Variants in ABCB1 observed in about 807,000 individuals in gnomAD.
ABCB1 encodes the protein ATP binding cassette subfamily B member 1.
A neutral mutation model predicts 142.0 loss-of-function variants in ABCB1; 69 were observed. The ratio of observed to expected loss-of-function variants is 0.49; its 90% CI spans 0.40 to 0.59. The LOEUF (loss-of-function observed/expected upper bound fraction) is 0.59. Among genes scored for constraint, ABCB1 ranks in the 20% least tolerant of loss-of-function variants. The pLI, the probability that ABCB1 is intolerant of heterozygous loss-of-function variation, is 0.00. For synonymous variants in ABCB1, 532 were observed against 539.2 expected (o/e 0.99, Z 0.18); for missense variants, 1,326 against 1,554.7 (o/e 0.85, Z 2.47).
intron 25 of ABCB1, among the ~76,000 whole-genome samples, chr7:87,510,081 A>C (rs886795276): frequency 6.6e-6 from 1 of 152,158 alleles, no homozygotes; most frequent in African/African-American, 2.4e-5. Context: ...CCTATTTTAG[A>C]CTTCTGACCT....
At chr7:87,507,685 G>A (rs1563025658) in intron 26 of ABCB1, among the ~76,000 whole-genome samples, 1 of 152,172 alleles carries the variant, frequency 6.6e-6, no homozygotes, top group East Asian at 1.9e-4. Context: ...CCTGCCTCGT[G>A]AGGAAACTGT....
At chr7:87,632,275 A>C (rs934029105) in intron 1 of ABCB1, among the ~76,000 whole-genome samples, 3 of 152,214 alleles carry the variant, frequency 2.0e-5, no homozygotes, top group African/African-American at 7.2e-5. Flanking sequence ...GCTTTATTCA[A>C]GTGCAATATA....
At chr7:87,536,296 T>C (rs1451693400) in intron 20 of ABCB1, among the ~76,000 whole-genome samples, 162 bp downstream of exon 20, 1 of 152,224 alleles carries the variant, frequency 6.6e-6, no homozygotes, top group African/African-American at 2.4e-5. Flanking sequence ...GTTTAAATAG[T>C]TAACATGTTG....
rs754872565 is a variant in ABCB1, at chr7:87,549,931, G to A, written c.1474C>T (p.Arg492Cys). 31 of 1,613,944 alleles carry A rather than the reference G, an allele frequency of 1.9e-5. No individual in the cohort carries two copies. Among genetic ancestry groups the A allele is most frequent in the African/African-American group, 6.7e-5 (5 of 74,864 alleles). ...ATCTCATCCATGGTGACATTTTCAC[G>A]GCCATAGCGAATGTTTTCAGCTATC... ...TTIAENIRYGRENVTMDEIEK... is the reference protein window; with the variant it reads ...TTIAENIRYGCENVTMDEIEK... The change falls in exon 13 of 28, where the codon CGT becomes TGT. Residue 492 changes from arginine (R) to cysteine (C), a missense_variant. Arg to Cys is a radical substitution (Grantham distance 180). Transcript: ENST00000622132.
intron 3 of ABCB1, among the ~76,000 whole-genome samples, chr7:87,588,362 T>C (rs937115729): frequency 6.6e-6 from 1 of 152,122 alleles, no homozygotes; most frequent in African/African-American, 2.4e-5. Context: ...GGCCCCAATG[T>C]GTGTTGTTCC....
At position 87,503,900 on chromosome 7, in the gene ABCB1, C is replaced by A; in HGVS notation, c.*343G>T. 1 of 328,890 alleles carries A rather than the reference C, an allele frequency of 3.0e-6. No individual in the cohort carries two copies. The highest frequency in any genetic ancestry group is 5.7e-6 in the Non-Finnish European group (1 of 174,190). 20.4% of individuals were successfully genotyped at this position (328,890 alleles called of 1,614,324 possible). On this transcript the variant is annotated 3_prime_UTR_variant, in exon 28 of 28. Coordinates refer to ENST00000622132, the MANE Select transcript of ABCB1 (RefSeq NM_001348946.2). ...TTAGTTTTATTATAGACACTTTATG[C>A]AAACATTTCAATACTTTTTGCTACT...
intron 14 of ABCB1, 84 bp downstream of exon 14, chr7:87,549,264 T>C: frequency 6.4e-7 from 1 of 1,557,584 alleles, no homozygotes; most frequent in Non-Finnish European, 8.8e-7. Flanking sequence ...AAATTTCCTT[T>C]TCTAAGACCA....
chr7:87,626,099 T>TA lies in ABCB1; in HGVS notation c.-330-25022_-330-25021insT, dbSNP rs199877301. On this transcript the variant is annotated intron_variant, in intron 1 of 28. Coordinates refer to the ABCB1 transcript ENST00000265724. ...AGACATATATATATATATATATATA[T>TA]TGTCATATATATGTGTCATATATAT... 4.2e-3 allele frequency among the ~76,000 whole-genome samples: 397 copies of TA among 95,472 alleles called. 10 individuals carry two copies. The highest frequency in any genetic ancestry group is 0.014 in the African/African-American group (257 of 18,768). The allele number at this position is 95,472 out of a possible 152,430, so 62.6% of individuals were successfully genotyped here.
At chr7:87,571,383 G>T (rs115767160) in intron 4 of ABCB1, among the ~76,000 whole-genome samples, 265 of 152,284 alleles carry the variant, frequency 1.7e-3, no homozygotes, top group Middle Eastern at 6.8e-3. Context: ...GATATAATTA[G>T]AAGTATGTTC....
intron 4 of ABCB1, among the ~76,000 whole-genome samples, chr7:87,578,842 C>T (rs1373575781): frequency 3.3e-5 from 5 of 151,410 alleles, no homozygotes; most frequent in African/African-American, 7.3e-5. Flanking sequence ...TACAGGCGCC[C>T]GCCACCACGC....
chr7:87,684,963 T>C (rs958211850), intron 1 of ABCB1, among the ~76,000 whole-genome samples: 1 of 152,106 alleles, frequency 6.6e-6, no homozygotes, highest in Non-Finnish European at 1.5e-5. Context: ...AGGTGGGTTA[T>C]AGGTGTAAAC....
rs1183996933 is a variant in ABCB1, at chr7:87,544,171, G to T, written c.2169C>A (p.Gly723=). The change falls in exon 17 of 28, where the codon GGC becomes GGA. Residue 723 remains glycine, a synonymous_variant. Coordinates refer to ENST00000622132, the MANE Select transcript of ABCB1 (RefSeq NM_001348946.2). ...ATATTATTGCAAATGCTGGTTGCAG[G>T]CCTCCATTTATAATGGCACAAAATA... ...VGVFCAIING[G]LQPAFAIIFS... The T allele has an allele frequency of 2.5e-6, 4 of 1,613,720 alleles. No individual in the cohort carries two copies. The highest frequency in any genetic ancestry group is 3.4e-6 in the Non-Finnish European group (4 of 1,179,880).
chr7:87,632,534 C>T (rs556351066), intron 1 of ABCB1, among the ~76,000 whole-genome samples: 1 of 152,216 alleles, frequency 6.6e-6, no homozygotes, highest in South Asian at 2.1e-4. Context: ...CTAAATCTTA[C>T]ACACTCAACT....
At chr7:87,568,170 C>A (rs1053695182) in intron 5 of ABCB1, among the ~76,000 whole-genome samples, 5 of 149,240 alleles carry the variant, frequency 3.4e-5, no homozygotes, top group African/African-American at 7.4e-5. Flanking sequence ...CCAAGGTGGG[C>A]GGATCATGAA....
At chr7:87,522,000 C>A in intron 21 of ABCB1, 1 of 869,602 alleles carries the variant, frequency 1.1e-6, no homozygotes, top group Non-Finnish European at 1.9e-6. Context: ...GTTAGGAAAG[C>A]CCTGTCAAAG....
intron 3 of ABCB1, among the ~76,000 whole-genome samples, chr7:87,590,118 T>A (rs774601273): frequency 4.5e-4 from 69 of 152,334 alleles, no homozygotes; most frequent in Non-Finnish European, 8.7e-4. Context: ...GTGAATATTT[T>A]AAAATATCTT....
intron 1 of ABCB1, among the ~76,000 whole-genome samples, chr7:87,614,895 G>T (rs1353719990): frequency 1.3e-5 from 2 of 152,006 alleles, no homozygotes; most frequent in African/African-American, 2.4e-5. Flanking sequence ...GCCCAGGCTG[G>T]AGTGCGGTGG....
chr7:87,521,111 A>C, intron 21 of ABCB1: 1 of 507,596 alleles, frequency 2.0e-6, no homozygotes, highest in Non-Finnish European at 3.5e-6. Context: ...TAAGACTTAA[A>C]TGGATTATGG....
chr7:87,623,795 T>C (rs145044496), intron 1 of ABCB1, among the ~76,000 whole-genome samples: 10 of 152,312 alleles, frequency 6.6e-5, no homozygotes, highest in African/African-American at 2.2e-4. Flanking sequence ...CCCAGTAGAT[T>C]CATTGCATCA....
Sources: gnomAD v4.1 joint callset for allele counts (sites outside exome capture counted in the v4.1 genomes callset) on GRCh38, gnomAD v4.1.1 for gene constraint, MANE v1.5 for transcripts, NCBI Gene and HGNC (gene_info 2026-07-23, HGNC 2026-07-21) for gene names.